SCARA3: variants seen among roughly 807,000 people sequenced by gnomAD.
The protein encoded by SCARA3 is scavenger receptor class A member 3.
SCARA3 carries 39 observed loss-of-function variants against 47.0 expected under a neutral mutation model. That is an observed-to-expected ratio of 0.83 (90% confidence interval 0.64 to 1.08). The LOEUF is 1.08. Among genes scored for constraint, SCARA3 ranks in the 50% least tolerant of loss-of-function variants. SCARA3 has a pLI of 0.00. For missense variants in SCARA3, 724 were observed against 792.3 expected, an observed-to-expected ratio of 0.91 and a Z score of 1.04; for synonymous variants, 356 against 334.1, an observed-to-expected ratio of 1.07 and a Z score of -0.71.
intron 5 of SCARA3, among the ~76,000 whole-genome samples, chr8:27,665,263 G>A (rs979921308): frequency 2.0e-5 from 3 of 152,226 alleles, no homozygotes; most frequent in African/African-American, 7.2e-5. Flanking sequence ...AGCTGTAAAT[G>A]AAGTGGTAAG....
intron 1 of SCARA3, among the ~76,000 whole-genome samples, chr8:27,634,528 T>C (rs1055322925): frequency 6.6e-6 from 1 of 152,112 alleles, no homozygotes; most frequent in African/African-American, 2.4e-5. Context: ...CAGAAAGGCA[T>C]CACCAGCCCA....
At position 27,658,861 on chromosome 8, in the gene SCARA3, TC is replaced by T. The variant is rs778239572; in HGVS notation, c.693del (p.Glu232SerfsTer15). ...GATCAACTTCACCGTGGGGCAGACT[TC>T]CGAGTGGATCCACGGGATCCAGCGG... ...HQINFTVGQT[S>X]EWIHGIQRKT... On this transcript the variant is annotated frameshift_variant, in exon 5 of 6. Coordinates refer to ENST00000301904, the MANE Select transcript of SCARA3 (RefSeq NM_016240.3). LOFTEE classifies it high-confidence loss of function. 7 of 1,613,946 alleles carry T rather than the reference TC, an allele frequency of 4.3e-6. No homozygotes were observed.
rs1399530515 is a variant in SCARA3 at position 27,671,431 on chromosome 8, A to G, written c.*80A>G. On this transcript the variant is annotated 3_prime_UTR_variant, in exon 6 of 6. Transcript: ENST00000301904. Reference sequence around the variant, plus strand: ...ATCCAGGCCCCAGAAAGCCTCACCTACAGACAGCTGTGGTCCTCTGATTCC... The same window carrying G: ...ATCCAGGCCCCAGAAAGCCTCACCTGCAGACAGCTGTGGTCCTCTGATTCC... The G allele has an allele frequency of 1.5e-6, 2 of 1,336,196 alleles. No homozygotes were observed. The highest frequency in any genetic ancestry group is 3.1e-5 in the African/African-American group (2 of 65,400). 82.8% of individuals were successfully genotyped at this position (1,336,196 alleles called of 1,614,324 possible). A position where few individuals can be genotyped will look rare whatever the true frequency, so the allele number is the denominator to read the frequency against.
chr8:27,665,366 GTCTCTCATAAAATATTTA>G (rs1475477442), intron 5 of SCARA3, among the ~76,000 whole-genome samples: 1 of 152,204 alleles, frequency 6.6e-6, no homozygotes, highest in Non-Finnish European at 1.5e-5. Flanking sequence ...TAGTGTTTGT[GTCTCTCATAAAATATTTA>G]TCTCTTCCTA....
rs150039603 is a variant in SCARA3, at chr8:27,658,930, G to A, written c.760G>A (p.Asp254Asn). The part of the protein sequence containing the change: ...ETLTLQKIVT[D>N]WQNYTRLFSG... Reference sequence around the variant, plus strand: ...CCTGACCCTCCAGAAGATTGTCACCGACTGGCAGAACTACACACGGCTCTT... The same window carrying A: ...CCTGACCCTCCAGAAGATTGTCACCAACTGGCAGAACTACACACGGCTCTT... Residue 254 changes from aspartate (D) to asparagine (N), a missense_variant, in exon 5 of 6, where the codon GAC becomes AAC. By Grantham distance (23) the Asp-to-Asn change is conservative. Transcript: ENST00000301904. The A allele has an allele frequency of 1.1e-5, 18 of 1,613,956 alleles. No individual in the cohort carries two copies. The highest frequency in any genetic ancestry group is 7.7e-5 in the South Asian group (7 of 91,072).
At chr8:27,684,501 A>G in the SCARA3 span, among the ~76,000 whole-genome samples, 1 of 152,154 alleles carries the variant, frequency 6.6e-6, no homozygotes, top group Non-Finnish European at 1.5e-5. Flanking sequence ...CCTGGGTAAC[A>G]TAGGGAGATC....
rs956233068 is a variant in SCARA3 at position 27,672,316 on chromosome 8, G to A, written c.*965G>A. 8.1e-6 allele frequency: 8 copies of A among 985,350 alleles called. No homozygotes were observed. Among genetic ancestry groups the A allele is most frequent in the Non-Finnish European group, 9.6e-6 (8 of 829,966 alleles). The allele number at this position is 985,350 out of a possible 1,614,324, so 61.0% of individuals were successfully genotyped here. ...CCAAGCAGGAGTTTCATCTGCATGG[G>A]GGCACTCTGCAGGCCCTGGAACATT... On this transcript the variant is annotated 3_prime_UTR_variant, in exon 6 of 6. Transcript: ENST00000301904.
chr8:27,668,624 C>T (rs1211462422), intron 5 of SCARA3, among the ~76,000 whole-genome samples: 2 of 151,726 alleles, frequency 1.3e-5, no homozygotes, highest in Non-Finnish European at 2.9e-5. Flanking sequence ...CTTTGGGAGG[C>T]CAAGGCAGAA....
chr8:27,695,816 A>T, the SCARA3 span, among the ~76,000 whole-genome samples: 1 of 152,262 alleles, frequency 6.6e-6, no homozygotes, highest in East Asian at 1.9e-4. Flanking sequence ...AAATCAAGAG[A>T]ATATATCCAC....
At chr8:27,685,986 A>T in the SCARA3 span, among the ~76,000 whole-genome samples, 1 of 152,248 alleles carries the variant, frequency 6.6e-6, no homozygotes, top group East Asian at 1.9e-4. Flanking sequence ...TTAATCCTCA[A>T]ATAAAAGTTT....
At chr8:27,699,683 C>T in the SCARA3 span, among the ~76,000 whole-genome samples, 19 of 152,242 alleles carry the variant, frequency 1.2e-4, no homozygotes, top group East Asian at 3.1e-3. Flanking sequence ...AATCCCAGCA[C>T]TTTGGGAGGC....
chr8:27,729,093 A>G, the SCARA3 span, among the ~76,000 whole-genome samples: 1 of 152,214 alleles, frequency 6.6e-6, no homozygotes, highest in Non-Finnish European at 1.5e-5. Flanking sequence ...CTGTATTGGA[A>G]AGTGATCAGG....
chr8:27,711,805 A>C, the SCARA3 span, among the ~76,000 whole-genome samples: 1 of 152,186 alleles, frequency 6.6e-6, no homozygotes, highest in Non-Finnish European at 1.5e-5. Flanking sequence ...GAAAGTACAG[A>C]GTTCCCATAT....
At chr8:27,655,845 G>A (rs996028351) in intron 3 of SCARA3, among the ~76,000 whole-genome samples, 2 of 152,164 alleles carry the variant, frequency 1.3e-5, no homozygotes, top group African/African-American at 4.8e-5. Flanking sequence ...AACCCTGGAT[G>A]GAAAAATGTC....
intron 5 of SCARA3, among the ~76,000 whole-genome samples, chr8:27,660,053 T>C (rs1801860829): frequency 6.6e-6 from 1 of 152,026 alleles, no homozygotes; most frequent in Non-Finnish European, 1.5e-5. Context: ...CTGTCTCCTC[T>C]TTTTTACTCC....
intron 5 of SCARA3, among the ~76,000 whole-genome samples, chr8:27,669,488 A>C (rs546694784): frequency 2.6e-5 from 4 of 152,190 alleles, no homozygotes; most frequent in Non-Finnish European, 5.9e-5. Flanking sequence ...CTGGCTGCTG[A>C]GCTGCCAGGG....
the SCARA3 span, among the ~76,000 whole-genome samples, chr8:27,681,809 T>C: frequency 6.6e-6 from 1 of 152,086 alleles, no homozygotes; most frequent in South Asian, 2.1e-4. Flanking sequence ...TGGCGATATA[T>C]ACCATGTTCA....
the SCARA3 span, among the ~76,000 whole-genome samples, chr8:27,684,242 T>C: frequency 6.6e-6 from 1 of 152,194 alleles, no homozygotes; most frequent in Non-Finnish European, 1.5e-5. Flanking sequence ...GAAATTCACT[T>C]CCAAATGCTC....
chr8:27,689,719 CG>C, the SCARA3 span, among the ~76,000 whole-genome samples: 68 of 152,254 alleles, frequency 4.5e-4, 2 homozygotes, highest in Admixed American at 2.7e-3. Context: ...ATGGGAGGCC[CG>C]GTGCTCTCTC....
Sources: gnomAD v4.1 joint callset for allele counts (sites outside exome capture counted in the v4.1 genomes callset) on GRCh38, gnomAD v4.1.1 for gene constraint, MANE v1.5 for transcripts, NCBI Gene and HGNC (gene_info 2026-07-23, HGNC 2026-07-21) for gene names.